RANBP17: variants seen among roughly 807,000 people sequenced by gnomAD.
The protein encoded by RANBP17 is ran-binding protein 17.
Under a neutral mutation model 141.2 loss-of-function variants are expected in RANBP17, and 158 were observed. The observed-to-expected ratio is 1.12, with a 90% CI of 0.98 to 1.28. The LOEUF is 1.28. Among genes scored for constraint, RANBP17 ranks in the 50% most tolerant of loss-of-function variants. The pLI, the probability that RANBP17 is intolerant of heterozygous loss-of-function variation, is 0.00. For synonymous variants in RANBP17, 430 were observed against 450.0 expected, an observed-to-expected ratio of 0.96 and a Z score of 0.56; for missense variants, 1,438 against 1,290.7, an observed-to-expected ratio of 1.11 and a Z score of -1.75.
chr5:171,105,381 CAAAAAAAAAAA>C (rs1167025699), intron 14 of RANBP17, among the ~76,000 whole-genome samples: 4 of 54,294 alleles, frequency 7.4e-5, no homozygotes, highest in South Asian at 9.8e-4. Context: ...GACTCCGTCT[CAAAAAAAAAAA>C]AAAAAAAAAA....
intron 14 of RANBP17, among the ~76,000 whole-genome samples, chr5:171,093,215 CA>C (rs5873253): frequency 6.0e-5 from 9 of 150,142 alleles, no homozygotes; most frequent in Non-Finnish European, 1.3e-4. Flanking sequence ...AGTCTCCCCC[CA>C]AAAAAAAAAA....
At chr5:171,129,649 A>G (rs531369097) in intron 14 of RANBP17, among the ~76,000 whole-genome samples, 10 of 152,336 alleles carry the variant, frequency 6.6e-5, no homozygotes, top group Admixed American at 5.2e-4. Flanking sequence ...ACCATTTCCA[A>G]TGAGCAATTC....
At chr5:171,225,768 A>C (rs755160588) in intron 22 of RANBP17, among the ~76,000 whole-genome samples, 3 of 152,192 alleles carry the variant, frequency 2.0e-5, no homozygotes, top group Non-Finnish European at 4.4e-5. Flanking sequence ...CTGACTTGTT[A>C]TGTATTTTGT....
chr5:170,931,057 TC>T (rs1773331998), intron 12 of RANBP17, among the ~76,000 whole-genome samples: 1 of 152,190 alleles, frequency 6.6e-6, no homozygotes, highest in Admixed American at 6.5e-5. Flanking sequence ...TTTCTCCACA[TC>T]CTCTCCAGCA....
chr5:170,868,462 G>A (rs1464443369), intron 1 of RANBP17, among the ~76,000 whole-genome samples: 1 of 150,680 alleles, frequency 6.6e-6, no homozygotes, highest in African/African-American at 2.5e-5. Flanking sequence ...TGAAGAGATG[G>A]CATTTTGCCA....
intron 8 of RANBP17, among the ~76,000 whole-genome samples, chr5:170,915,116 T>C (rs1833597): frequency 0.67 from 102,541 of 152,016 alleles, 34,814 homozygotes; most frequent in South Asian, 0.9. Flanking sequence ...TTCTGTCTTT[T>C]AGTCGCAACA....
At chr5:171,287,636 G>A (rs1314412489) in intron 25 of RANBP17, among the ~76,000 whole-genome samples, 1 of 151,550 alleles carries the variant, frequency 6.6e-6, no homozygotes, top group Non-Finnish European at 1.5e-5. Flanking sequence ...ATACAGGGAT[G>A]CTTTGTCATT....
intron 18 of RANBP17, among the ~76,000 whole-genome samples, chr5:171,185,994 A>G (rs1761209855): frequency 6.6e-6 from 1 of 152,220 alleles, no homozygotes; most frequent in Non-Finnish European, 1.5e-5. Flanking sequence ...TGCTGTAAAC[A>G]GATGTGCTGT....
intron 14 of RANBP17, among the ~76,000 whole-genome samples, chr5:170,990,045 A>G (rs1161546666): frequency 4.0e-5 from 6 of 151,846 alleles, no homozygotes; most frequent in Non-Finnish European, 8.8e-5. Context: ...AGTCCAAGTT[A>G]AAGTGCTTAA....
chr5:171,232,225 C>A (rs554856873), intron 22 of RANBP17, among the ~76,000 whole-genome samples: 4 of 152,022 alleles, frequency 2.6e-5, no homozygotes, highest in South Asian at 4.1e-4. Context: ...TATACAAAAT[C>A]TTTTATTCAA....
intron 14 of RANBP17, among the ~76,000 whole-genome samples, chr5:171,080,276 C>T (rs1785188016): frequency 6.8e-6 from 1 of 147,234 alleles, no homozygotes; most frequent in African/African-American, 2.5e-5. Context: ...CACACACACA[C>T]GGCTTGAGTC....
intron 14 of RANBP17, among the ~76,000 whole-genome samples, chr5:171,007,416 T>C (rs1314662274): frequency 1.3e-5 from 2 of 151,522 alleles, no homozygotes; most frequent in East Asian, 1.9e-4. Flanking sequence ...TGAAGAAGAG[T>C]TGGAGCCTGA....
chr5:170,957,043 C>T (rs1008100219), intron 13 of RANBP17, among the ~76,000 whole-genome samples: 4 of 148,188 alleles, frequency 2.7e-5, no homozygotes, highest in African/African-American at 1.0e-4. Flanking sequence ...GCACCCCAGC[C>T]TGGGCAACAG....
chr5:171,197,434 T>C (rs1762038074), intron 18 of RANBP17, among the ~76,000 whole-genome samples: 1 of 152,134 alleles, frequency 6.6e-6, no homozygotes, highest in Non-Finnish European at 1.5e-5. Context: ...TAGTAAAATA[T>C]CCAAAGGTAA....
At chr5:170,940,329 C>T (rs1350929096) in intron 12 of RANBP17, among the ~76,000 whole-genome samples, 1 of 152,088 alleles carries the variant, frequency 6.6e-6, no homozygotes, top group Admixed American at 6.5e-5. Context: ...AGGTTGAGCA[C>T]ACCAAATTCA....
chr5:171,053,918 TATATATA>T (rs374450447), intron 14 of RANBP17, among the ~76,000 whole-genome samples: 10,882 of 81,598 alleles, frequency 0.13, 1,842 homozygotes, highest in South Asian at 0.3. Context: ...TATATATATA[TATATATA>T]ATTGCTGTAT....
At chr5:170,893,590 G>A (rs1391008966) in intron 4 of RANBP17, among the ~76,000 whole-genome samples, 1 of 151,948 alleles carries the variant, frequency 6.6e-6, no homozygotes. Context: ...TCAGGAGATC[G>A]AGACCATCCT....
At chr5:170,983,033 C>A (rs896644515) in intron 14 of RANBP17, 10 of 480,348 alleles carry the variant, frequency 2.1e-5, no homozygotes, top group Non-Finnish European at 3.6e-5. Context: ...CAGACAAAGC[C>A]TCAACTTTAC....
intron 14 of RANBP17, among the ~76,000 whole-genome samples, chr5:171,003,844 G>C (rs995030322): frequency 6.6e-6 from 1 of 152,156 alleles, no homozygotes; most frequent in African/African-American, 2.4e-5. Flanking sequence ...CTGGGACGAG[G>C]GGTGTAGGGG....
Sources: gnomAD v4.1 joint callset for allele counts (sites outside exome capture counted in the v4.1 genomes callset) on GRCh38, gnomAD v4.1.1 for gene constraint, MANE v1.5 for transcripts, NCBI Gene and HGNC (gene_info 2026-07-23, HGNC 2026-07-21) for gene names.